The following CNTN5 variants were observed in gnomAD, a reference collection of about 807,000 sequenced individuals.
CNTN5 encodes the protein contactin-5.
CNTN5 carries 77 observed loss-of-function variants against 129.1 expected under a neutral mutation model. That is an observed-to-expected ratio of 0.60 (90% CI 0.50 to 0.72). The LOEUF is 0.72. Among genes scored for constraint, CNTN5 ranks in the 30% least tolerant of loss-of-function variants. The pLI is 0.00. For synonymous variants in CNTN5, 509 were observed against 465.6 expected, an observed-to-expected ratio of 1.09 and a Z score of -1.20; for missense variants, 1,478 against 1,328.8, an observed-to-expected ratio of 1.11 and a Z score of -1.75.
intron 1 of CNTN5, among the ~76,000 whole-genome samples, chr11:99,223,240 T>C (rs1277907196): frequency 6.6e-6 from 1 of 152,194 alleles, no homozygotes; most frequent in East Asian, 1.9e-4. Context: ...CATGGATTCT[T>C]CTTCACAGCT....
At chr11:100,224,968 A>C in intron 16 of CNTN5, 156 bp downstream of exon 16, 2 of 664,652 alleles carry the variant, frequency 3.0e-6, no homozygotes, top group African/African-American at 1.8e-5. Flanking sequence ...CCTTTGAAAA[A>C]ATTACATGGA....
intron 3 of CNTN5, among the ~76,000 whole-genome samples, chr11:99,585,068 C>A (rs965708917): frequency 1.3e-5 from 2 of 152,200 alleles, no homozygotes; most frequent in Non-Finnish European, 2.9e-5. Context: ...TTGTGCAATT[C>A]AGTGGACACA....
chr11:99,144,332 C>G (rs1859673979), intron 1 of CNTN5, among the ~76,000 whole-genome samples: 2 of 152,098 alleles, frequency 1.3e-5, no homozygotes, highest in South Asian at 4.1e-4. Flanking sequence ...TACTAAATAT[C>G]TTCAAATAGT....
intron 9 of CNTN5, among the ~76,000 whole-genome samples, chr11:100,035,547 C>G (rs545768119): frequency 7.6e-5 from 11 of 145,056 alleles, no homozygotes; most frequent in East Asian, 4.0e-4. Context: ...AATCGCCACA[C>G]TGACTTCCAC....
At chr11:99,827,046 G>A (rs1221174242) in intron 4 of CNTN5, among the ~76,000 whole-genome samples, 1 of 152,046 alleles carries the variant, frequency 6.6e-6, no homozygotes. Context: ...TTTGGTCAGA[G>A]CAGCTGTGTT....
chr11:99,654,894 GA>G (rs34187306), intron 3 of CNTN5, among the ~76,000 whole-genome samples: 92,879 of 151,728 alleles, frequency 0.61, 29,391 homozygotes, highest in Admixed American at 0.7. Context: ...GGTTGCAGCA[GA>G]AAAAAAGGTT....
At chr11:99,684,267 T>C (rs540978636) in intron 3 of CNTN5, among the ~76,000 whole-genome samples, 7 of 152,036 alleles carry the variant, frequency 4.6e-5, no homozygotes, top group African/African-American at 7.2e-5. Context: ...GAAACCTTTT[T>C]CTAGGTATTC....
At position 99,703,141 on chromosome 11, in the gene CNTN5, T is replaced by C. The variant is rs548884920; in HGVS notation, c.56-116403T>C. 4.0e-5 allele frequency among the ~76,000 whole-genome samples: 6 copies of C among 150,800 alleles called. No individual in the cohort carries two copies. In the South Asian group the frequency reaches 1.2e-3, roughly 31 times the overall value. On this transcript the variant is annotated intron_variant, in intron 3 of 24. Transcript: ENST00000524871. Reference sequence around the variant, plus strand: ...TCCTTTAAAAATGTTAATGATTGCGTATTTATAATCTTTGAGTTTTGATTT... The same window carrying C: ...TCCTTTAAAAATGTTAATGATTGCGCATTTATAATCTTTGAGTTTTGATTT...
chr11:100,054,417 A>G (rs928916163), intron 9 of CNTN5, among the ~76,000 whole-genome samples: 5 of 151,790 alleles, frequency 3.3e-5, no homozygotes, highest in African/African-American at 1.2e-4. Context: ...CCTAACCAGT[A>G]TTTTCCTGAG....
intron 1 of CNTN5, chr11:99,049,690 C>G (rs1406682617): frequency 6.6e-6 from 1 of 152,134 alleles, no homozygotes; most frequent in Non-Finnish European, 1.5e-5. Context: ...CCTTTCACAT[C>G]CATGGTTTCT....
At chr11:100,227,266 G>A (rs774697568) in intron 16 of CNTN5, among the ~76,000 whole-genome samples, 15 of 152,052 alleles carry the variant, frequency 9.9e-5, no homozygotes, top group Non-Finnish European at 1.9e-4. Flanking sequence ...CTTCCCATGA[G>A]AGATAGTCTA....
intron 2 of CNTN5, among the ~76,000 whole-genome samples, chr11:99,470,019 G>A (rs771721674): frequency 2.6e-5 from 4 of 152,114 alleles, no homozygotes; most frequent in Non-Finnish European, 5.9e-5. Context: ...CAAAGAGTTA[G>A]AGCAGCCTGT....
At chr11:99,322,998 G>A (rs890535655) in intron 1 of CNTN5, among the ~76,000 whole-genome samples, 6 of 152,120 alleles carry the variant, frequency 3.9e-5, no homozygotes, top group Non-Finnish European at 7.4e-5. Context: ...AGTCGCCTAC[G>A]ATTATTTATT....
chr11:100,235,171 A>G (rs1386650595), intron 16 of CNTN5, among the ~76,000 whole-genome samples: 1 of 152,230 alleles, frequency 6.6e-6, no homozygotes, highest in Non-Finnish European at 1.5e-5. Flanking sequence ...ATTGTTTGGA[A>G]AAATCATCCC....
intron 6 of CNTN5, among the ~76,000 whole-genome samples, chr11:99,868,748 G>A (rs548581084): frequency 3.3e-5 from 5 of 152,134 alleles, no homozygotes; most frequent in African/African-American, 1.2e-4. Context: ...TTTGTGCTGG[G>A]AAGTCAGGGA....
At chr11:99,230,085 C>T (rs1248015696) in intron 1 of CNTN5, among the ~76,000 whole-genome samples, 1 of 151,976 alleles carries the variant, frequency 6.6e-6, no homozygotes, top group Non-Finnish European at 1.5e-5. Context: ...TGGAATAAAA[C>T]TTACATACAA....
intron 6 of CNTN5, among the ~76,000 whole-genome samples, chr11:99,881,046 A>T (rs994156136): frequency 3.3e-5 from 5 of 152,238 alleles, no homozygotes; most frequent in African/African-American, 1.2e-4. Context: ...ACTAGTTTCA[A>T]TTAAAACTGG....
intron 1 of CNTN5, among the ~76,000 whole-genome samples, chr11:99,120,849 G>A (rs1475779210): frequency 6.6e-6 from 1 of 152,094 alleles, no homozygotes; most frequent in East Asian, 1.9e-4. Flanking sequence ...GATTGGACAG[G>A]ACTTTGGGTT....
intron 13 of CNTN5, among the ~76,000 whole-genome samples, chr11:100,109,110 C>T (rs1945556356): frequency 6.6e-6 from 1 of 152,076 alleles, no homozygotes; most frequent in African/African-American, 2.4e-5. Flanking sequence ...TCACAAATAA[C>T]GCTAGAATGA....
Sources: gnomAD v4.1 joint callset for allele counts (sites outside exome capture counted in the v4.1 genomes callset) on GRCh38, gnomAD v4.1.1 for gene constraint, MANE v1.5 for transcripts, NCBI Gene and HGNC (gene_info 2026-07-23, HGNC 2026-07-21) for gene names.